Variants in CADM2 observed in about 807,000 individuals in gnomAD.
CADM2 encodes the protein immunoglobulin superfamily member 4D.
Under a neutral mutation model 49.8 loss-of-function variants are expected in CADM2, and 12 were observed. That is an observed-to-expected ratio of 0.24 (90% CI 0.15 to 0.39). CADM2 has a LOEUF of 0.39. CADM2 is among the 10% of genes least tolerant of loss of function. The probability of loss-of-function intolerance (pLI) is 1.00; values close to 1 mark genes in which losing one functional copy is unlikely to be tolerated. For synonymous variants in CADM2, 214 were observed against 175.4 expected, an observed-to-expected ratio of 1.22 and a Z score of -1.74; for missense variants, 378 against 492.3, an observed-to-expected ratio of 0.77 and a Z score of 2.20.
chr3:85,300,472 T>A (rs1354200066), intron 1 of CADM2, among the ~76,000 whole-genome samples: 1 of 152,128 alleles, frequency 6.6e-6, no homozygotes, highest in Non-Finnish European at 1.5e-5. Flanking sequence ...TGCTATTTAT[T>A]TTTTAATTGA....
At chr3:85,657,725 T>TATATATATATAC (rs2065249448) in intron 1 of CADM2, among the ~76,000 whole-genome samples, 1 of 56,138 alleles carries the variant, frequency 1.8e-5, no homozygotes, top group Non-Finnish European at 4.4e-5. Flanking sequence ...TATATATATA[T>TATATATATATAC]ACAGATATAT....
chr3:85,914,534 A>G (rs4629352), intron 6 of CADM2, among the ~76,000 whole-genome samples: 7,121 of 152,252 alleles, frequency 0.047, 250 homozygotes, highest in South Asian at 0.11. Flanking sequence ...ATTTACATAC[A>G]AAGCAAAGTA....
chr3:85,753,030 C>A (rs1417707013), intron 2 of CADM2, among the ~76,000 whole-genome samples: 1 of 152,056 alleles, frequency 6.6e-6, no homozygotes, highest in Non-Finnish European at 1.5e-5. Flanking sequence ...TTTTGTCATG[C>A]AGCTGCAAAG....
chr3:86,036,188 G>C (rs1735132282), intron 8 of CADM2, among the ~76,000 whole-genome samples: 1 of 152,022 alleles, frequency 6.6e-6, no homozygotes, highest in African/African-American at 2.4e-5. Flanking sequence ...AATATATTAA[G>C]TCTATGCCCA....
At chr3:85,800,426 G>A (rs1253836011) in intron 2 of CADM2, 2 of 152,860 alleles carry the variant, frequency 1.3e-5, no homozygotes, top group Non-Finnish European at 2.8e-5. Context: ...AGGCACTACT[G>A]GGATACCAAA....
chr3:85,141,918 A>G (rs2039589839), intron 1 of CADM2, among the ~76,000 whole-genome samples: 1 of 152,168 alleles, frequency 6.6e-6, no homozygotes, highest in Non-Finnish European at 1.5e-5. Flanking sequence ...CTCAAGCTAG[A>G]TTGTCTAATA....
chr3:85,509,731 G>A (rs1188149696), intron 1 of CADM2, among the ~76,000 whole-genome samples: 5 of 152,110 alleles, frequency 3.3e-5, no homozygotes, highest in Admixed American at 6.6e-5. Context: ...AATTAAAACC[G>A]CTATATAAAT....
chr3:85,506,663 A>C (rs1041359408), intron 1 of CADM2, among the ~76,000 whole-genome samples: 15 of 152,090 alleles, frequency 9.9e-5, no homozygotes, highest in African/African-American at 3.4e-4. Context: ...GCTTCCCAAA[A>C]AGCTAGGACT....
At chr3:85,397,796 G>A (rs1234662096) in intron 1 of CADM2, among the ~76,000 whole-genome samples, 1 of 152,120 alleles carries the variant, frequency 6.6e-6, no homozygotes, top group African/African-American at 2.4e-5. Flanking sequence ...AATAAGTTCT[G>A]AAAATGGATA....
chr3:85,922,388 CT>C (rs1719240051), intron 6 of CADM2, among the ~76,000 whole-genome samples: 1 of 151,306 alleles, frequency 6.6e-6, no homozygotes, highest in African/African-American at 2.4e-5. Context: ...CTGGGCCACA[CT>C]TTTTTTGTTT....
chr3:85,108,452 A>G (rs1208275194), intron 1 of CADM2, among the ~76,000 whole-genome samples: 1 of 152,136 alleles, frequency 6.6e-6, no homozygotes, highest in Non-Finnish European at 1.5e-5. Context: ...AAAGACAACA[A>G]TGCATGATTC....
intron 8 of CADM2, among the ~76,000 whole-genome samples, chr3:86,020,397 C>G (rs1162511460): frequency 6.6e-6 from 1 of 152,124 alleles, no homozygotes; most frequent in Non-Finnish European, 1.5e-5. Flanking sequence ...CAGCCGAATT[C>G]TACCAGAGGT....
At chr3:85,021,977 A>G (rs1392554882) in intron 1 of CADM2, among the ~76,000 whole-genome samples, 2 of 152,174 alleles carry the variant, frequency 1.3e-5, no homozygotes, top group Non-Finnish European at 2.9e-5. Flanking sequence ...TCATAGAGGA[A>G]CTGTTATGTG....
rs80170889 is a variant in CADM2, at chr3:85,000,263, A to C, written c.61+40595A>C. 3.6e-3 allele frequency among the ~76,000 whole-genome samples: 544 copies of C among 151,476 alleles called. 4 individuals are homozygous for C. Among genetic ancestry groups the C allele is most frequent in the African/African-American group, 0.012 (497 of 41,286 alleles). On this transcript the variant is annotated intron_variant, in intron 1 of 9. Coordinates refer to ENST00000383699, the MANE Select transcript of CADM2 (RefSeq NM_001167675.2). ...AGAGTAGTTGGGACTACAGGTGTGC[A>C]TCACCACGCCCAGCTAATTATTTTT...
intron 1 of CADM2, among the ~76,000 whole-genome samples, chr3:85,426,191 G>C (rs1439025871): frequency 6.6e-6 from 1 of 150,910 alleles, no homozygotes; most frequent in Non-Finnish European, 1.5e-5. Flanking sequence ...ACTGGGGCTT[G>C]AGAGTAGTGG....
chr3:85,260,297 C>T (rs1433218938), intron 1 of CADM2, among the ~76,000 whole-genome samples: 1 of 152,018 alleles, frequency 6.6e-6, no homozygotes, highest in Non-Finnish European at 1.5e-5. Context: ...ATTATTGACA[C>T]ACACAGAAGG....
chr3:85,330,958 T>A (rs2107149504), intron 1 of CADM2, among the ~76,000 whole-genome samples: 1 of 152,228 alleles, frequency 6.6e-6, no homozygotes, highest in African/African-American at 2.4e-5. Context: ...TCAGACCCTG[T>A]CTCAAAAATA....
At chr3:85,419,385 G>A (rs2036064378) in intron 1 of CADM2, among the ~76,000 whole-genome samples, 1 of 152,084 alleles carries the variant, frequency 6.6e-6, no homozygotes, top group Non-Finnish European at 1.5e-5. Context: ...GTGAACCCGG[G>A]AGGCGGAGCT....
intron 1 of CADM2, among the ~76,000 whole-genome samples, chr3:85,197,839 A>C (rs1158636772): frequency 6.6e-6 from 1 of 151,848 alleles, no homozygotes; most frequent in African/African-American, 2.4e-5. Flanking sequence ...TAAAAGCGTA[A>C]CTTGTCCAGG....
Sources: gnomAD v4.1 joint callset for allele counts (sites outside exome capture counted in the v4.1 genomes callset) on GRCh38, gnomAD v4.1.1 for gene constraint, MANE v1.5 for transcripts, NCBI Gene and HGNC (gene_info 2026-07-23, HGNC 2026-07-21) for gene names.